Variants in SLC36A1 observed in about 807,000 individuals in gnomAD.
The protein encoded by SLC36A1 is solute carrier family 36 member 1, also known as proton-coupled amino acid transporter 1.
A neutral mutation model predicts 47.5 loss-of-function variants in SLC36A1; 30 were observed. That is an observed-to-expected ratio of 0.63 (90% CI 0.47 to 0.86). The LOEUF (loss-of-function observed/expected upper bound fraction) is 0.86. Ranked by LOEUF, SLC36A1 falls within the 40% of genes least tolerant of loss-of-function variation. The pLI is 0.00. For synonymous variants in SLC36A1, 255 were observed against 249.7 expected (o/e 1.02, Z -0.20); for missense variants, 517 against 606.0 (o/e 0.85, Z 1.54).
intron 10 of SLC36A1, among the ~76,000 whole-genome samples, chr5:151,485,897 G>A (rs192581071): frequency 2.0e-5 from 3 of 152,290 alleles, no homozygotes; most frequent in Admixed American, 1.3e-4. Flanking sequence ...ATGAAGAACA[G>A]GATTTAATTT....
the SLC36A1 span, among the ~76,000 whole-genome samples, chr5:151,527,818 C>G: frequency 2.0e-5 from 3 of 152,154 alleles, no homozygotes; most frequent in African/African-American, 7.2e-5. Flanking sequence ...CAGTCCCTCT[C>G]CTGCCTCTGG....
chr5:151,543,076 T>C, the SLC36A1 span: 1 of 1,614,190 alleles, frequency 6.2e-7, no homozygotes, highest in Non-Finnish European at 8.5e-7. Context: ...GGATACTTTT[T>C]TAGGAACCAC....
the SLC36A1 span, among the ~76,000 whole-genome samples, chr5:151,503,022 A>G: frequency 6.7e-6 from 1 of 148,412 alleles, no homozygotes; most frequent in Non-Finnish European, 1.5e-5. Flanking sequence ...ACTATATGAC[A>G]TGCTGGAAAA....
At chr5:151,550,919 C>A in the SLC36A1 span, 1 of 1,583,284 alleles carries the variant, frequency 6.3e-7, no homozygotes, top group Non-Finnish European at 8.6e-7. Flanking sequence ...CCCAGGGGAA[C>A]AGGGACTGGG....
the SLC36A1 span, chr5:151,537,986 C>G: frequency 6.3e-7 from 1 of 1,588,772 alleles, no homozygotes; most frequent in Non-Finnish European, 8.6e-7. Context: ...ACTGTGGGGA[C>G]TGCATTCAGA....
chr5:151,385,009 A>AGAGAGAGAGAGTGTGTGTGT, the SLC36A1 span, among the ~76,000 whole-genome samples: 2 of 128,522 alleles, frequency 1.6e-5, no homozygotes, highest in African/African-American at 3.6e-5. Context: ...AGAGAGAGAG[A>AGAGAGAGAGAGTGTGTGTGT]GTGTGTGTGT....
chr5:151,549,756 G>A, the SLC36A1 span, among the ~76,000 whole-genome samples: 1 of 152,178 alleles, frequency 6.6e-6, no homozygotes, highest in African/African-American at 2.4e-5. Flanking sequence ...GAAATAGGCA[G>A]AGAAGCAGTG....
chr5:151,506,240 G>T, the SLC36A1 span: 1 of 813,868 alleles, frequency 1.2e-6, no homozygotes, highest in Non-Finnish European at 1.7e-6. Context: ...TGTCTCTGTT[G>T]GCTTACGTTG....
rs1561778558 is a variant in SLC36A1 at position 151,479,409 on chromosome 5, CCTT to C, written c.1083_1085del (p.Phe362del). Reference sequence around the variant, plus strand: ...TACGTCCCGGCTGAGATCATCATCCCCTTCTTTGTGTCCCGAGCGCCCGAGCAC... The same window carrying C: ...TACGTCCCGGCTGAGATCATCATCCCCTTTGTGTCCCGAGCGCCCGAGCAC... On this transcript the variant is annotated inframe_deletion, in exon 10 of 11. Coordinates refer to ENST00000243389, the MANE Select transcript of SLC36A1 (RefSeq NM_078483.4). 1 of 1,614,224 alleles carries C rather than the reference CCTT, an allele frequency of 6.2e-7. No homozygotes were observed. The highest frequency in any genetic ancestry group is 8.5e-7 in the Non-Finnish European group (1 of 1,180,036).
the SLC36A1 span, chr5:151,544,651 A>G: frequency 6.8e-5 from 110 of 1,614,076 alleles, no homozygotes; most frequent in East Asian, 2.1e-3. Flanking sequence ...AGTGACAAGT[A>G]CCTCTTCCTC....
At chr5:151,458,329 T>C (rs1314161270) in intron 1 of SLC36A1, among the ~76,000 whole-genome samples, 7,284 of 113,018 alleles carry the variant, frequency 0.064, 202 homozygotes, top group Non-Finnish European at 0.07. Flanking sequence ...TATATATATA[T>C]ATATGGGATA....
upstream of SLC36A1, among the ~76,000 whole-genome samples, chr5:151,435,934 G>A (rs1017483802): frequency 6.6e-6 from 1 of 151,930 alleles, no homozygotes; most frequent in Non-Finnish European, 1.5e-5. Flanking sequence ...TAAAGTAAAA[G>A]GGATAGGAAA....
chr5:151,347,717 G>A, the SLC36A1 span: 1 of 508,516 alleles, frequency 2.0e-6, no homozygotes, highest in South Asian at 2.2e-5. Context: ...CATTCGTATT[G>A]GTATTACTTA....
the SLC36A1 span, among the ~76,000 whole-genome samples, chr5:151,396,236 C>T: frequency 3.7e-4 from 56 of 152,110 alleles, no homozygotes; most frequent in Non-Finnish European, 7.4e-4. Context: ...CCTCAACCTC[C>T]CAAGTAGCTG....
chr5:151,413,095 G>C, the SLC36A1 span, among the ~76,000 whole-genome samples: 1 of 149,886 alleles, frequency 6.7e-6, no homozygotes, highest in Admixed American at 6.6e-5. Context: ...TATCTGATTT[G>C]TTCACGGCTG....
the SLC36A1 span, chr5:151,512,526 A>G: frequency 1.9e-6 from 3 of 1,614,206 alleles, no homozygotes; most frequent in South Asian, 2.2e-5. The surrounding 1 kb of genome is among the most constrained non-coding windows in gnomAD (Gnocchi z 4.1). Context: ...ACTCGTGGTC[A>G]TTCACATGGC....
the SLC36A1 span, among the ~76,000 whole-genome samples, chr5:151,395,664 C>T: frequency 6.6e-6 from 1 of 152,000 alleles, no homozygotes; most frequent in South Asian, 2.1e-4. Context: ...GGATTGTGGC[C>T]AAATCATGTC....
intron 1 of SLC36A1, among the ~76,000 whole-genome samples, chr5:151,458,558 G>C (rs1299717487): frequency 1.3e-5 from 2 of 151,988 alleles, no homozygotes. Flanking sequence ...GTAGCACCAC[G>C]TATACCAATG....
chr5:151,389,259 C>G, the SLC36A1 span, among the ~76,000 whole-genome samples: 1 of 151,924 alleles, frequency 6.6e-6, no homozygotes, highest in Non-Finnish European at 1.5e-5. Flanking sequence ...AACTTCATGC[C>G]TTTCCATGTG....
Sources: allele counts gnomAD v4.1 joint callset (sites outside exome capture counted in the v4.1 genomes callset), GRCh38; gene constraint gnomAD v4.1.1; non-coding constraint Gnocchi (gnomAD v3.1); transcripts MANE v1.5; gene names NCBI Gene and HGNC (gene_info 2026-07-23, HGNC 2026-07-21).